The following SIAH3 variants were observed in gnomAD, a reference collection of about 807,000 sequenced individuals.
SIAH3 encodes the protein seven in absentia homolog 3.
A neutral mutation model predicts 12.6 loss-of-function variants in SIAH3; 9 were observed. That is an observed-to-expected ratio of 0.72 (90% confidence interval 0.43 to 1.25). SIAH3 has a LOEUF of 1.25. Among genes scored for constraint, SIAH3 ranks in the 50% most tolerant of loss-of-function variants. SIAH3 has a pLI of 0.00. For synonymous variants in SIAH3, 154 were observed against 151.1 expected, an observed-to-expected ratio of 1.02 and a Z score of -0.14; for missense variants, 390 against 365.4, an observed-to-expected ratio of 1.07 and a Z score of -0.55.
chr13:45,807,313 A>G (rs773843214), intron 1 of SIAH3, among the ~76,000 whole-genome samples: 1 of 152,084 alleles, frequency 6.6e-6, no homozygotes, highest in Non-Finnish European at 1.5e-5. Flanking sequence ...AAAAGTTTAT[A>G]TGAAAAAATA....
At chr13:45,796,506 G>A (rs1950563286) in intron 1 of SIAH3, among the ~76,000 whole-genome samples, 1 of 152,212 alleles carries the variant, frequency 6.6e-6, no homozygotes, top group Non-Finnish European at 1.5e-5. Context: ...GGGAGCATGA[G>A]CTCCCTGGCT....
intron 1 of SIAH3, among the ~76,000 whole-genome samples, chr13:45,793,232 T>G (rs1950551890): frequency 6.6e-6 from 1 of 152,206 alleles, no homozygotes; most frequent in African/African-American, 2.4e-5. Flanking sequence ...AAATGCAAAC[T>G]GCAGAAGCAG....
intron 1 of SIAH3, among the ~76,000 whole-genome samples, chr13:45,841,863 C>A (rs538044488): frequency 6.6e-6 from 1 of 152,288 alleles, no homozygotes; most frequent in Admixed American, 6.5e-5. Flanking sequence ...TTTTAATGCC[C>A]CGCTGTTGTC....
intron 1 of SIAH3, among the ~76,000 whole-genome samples, chr13:45,818,411 T>C (rs1053180132): frequency 3.3e-5 from 5 of 152,248 alleles, no homozygotes; most frequent in African/African-American, 7.2e-5. Context: ...TCATTGTTTT[T>C]CCCTATGGCT....
chr13:45,786,292 G>C (rs1418439790), intron 1 of SIAH3, among the ~76,000 whole-genome samples: 1 of 152,104 alleles, frequency 6.6e-6, no homozygotes, highest in Admixed American at 6.5e-5. Flanking sequence ...AAACCCAAAT[G>C]GTGTCCCTCT....
At chr13:45,828,683 C>G (rs141181147) in intron 1 of SIAH3, among the ~76,000 whole-genome samples, 1 of 152,326 alleles carries the variant, frequency 6.6e-6, no homozygotes, top group African/African-American at 2.4e-5. Context: ...GACCAAGCCT[C>G]TTTCAGGGGG....
chr13:45,845,674 T>C (rs564429623), intron 1 of SIAH3, among the ~76,000 whole-genome samples: 4 of 152,222 alleles, frequency 2.6e-5, no homozygotes, highest in African/African-American at 9.6e-5. Context: ...TTGTGTTTTG[T>C]ATGTTTCTCT....
At chr13:45,786,116 G>C (rs980374647) in intron 1 of SIAH3, among the ~76,000 whole-genome samples, 1 of 152,072 alleles carries the variant, frequency 6.6e-6, no homozygotes, top group African/African-American at 2.4e-5. Context: ...GATTTGGTCG[G>C]GGGGGTTTCT....
chr13:45,801,097 G>GT (rs1555257354), intron 1 of SIAH3, among the ~76,000 whole-genome samples: 5 of 123,656 alleles, frequency 4.0e-5, no homozygotes, highest in African/African-American at 1.2e-4. Context: ...ATGGGTGGCG[G>GT]GGGGGGGCAT....
intron 1 of SIAH3, 37 bp downstream of exon 1, chr13:45,851,458 C>G (rs777635314): frequency 1.2e-6 from 2 of 1,611,974 alleles, no homozygotes; most frequent in South Asian, 1.1e-5. Context: ...GGACTTGAAC[C>G]TGAGCCCGGT....
At chr13:45,826,485 A>G (rs1349040826) in intron 1 of SIAH3, among the ~76,000 whole-genome samples, 11 of 136,116 alleles carry the variant, frequency 8.1e-5, no homozygotes, top group East Asian at 2.3e-4. Context: ...GGATGGATGG[A>G]TGGATGGGTG....
chr13:45,814,238 CAA>C lies in SIAH3; in HGVS notation c.136-30183_136-30182del, dbSNP rs56377017. Among the ~76,000 whole-genome samples the C allele has an allele frequency of 9.5e-4, 69 of 72,694 alleles. 1 individual carries two copies. The East Asian group carries it at 0.011, about 11-fold the overall frequency. The allele number at this position is 72,694 out of a possible 152,430, so 47.7% of individuals were successfully genotyped here. On this transcript the variant is annotated intron_variant, in intron 1 of 1. Transcript: ENST00000400405. ...TGGGTGACTGAGCAAGACTCTGTCT[CAA>C]AAAAAAAAAAAAAAAAAAAAATACA...
At chr13:45,833,196 T>G (rs1051039876) in intron 1 of SIAH3, among the ~76,000 whole-genome samples, 2 of 152,228 alleles carry the variant, frequency 1.3e-5, no homozygotes, top group Admixed American at 6.5e-5. Flanking sequence ...AATAAATATA[T>G]GCTCATAGAA....
intron 1 of SIAH3, among the ~76,000 whole-genome samples, chr13:45,851,022 C>A (rs1319583340): frequency 3.1e-5 from 4 of 128,866 alleles, no homozygotes; most frequent in Non-Finnish European, 4.9e-5. Flanking sequence ...ACCCCACCGA[C>A]GTCCAAGTCC....
intron 1 of SIAH3, among the ~76,000 whole-genome samples, chr13:45,789,246 C>T (rs923769689): frequency 1.3e-5 from 2 of 152,226 alleles, no homozygotes; most frequent in African/African-American, 2.4e-5. Context: ...AGATTCAGCT[C>T]TTGCTACGTA....
chr13:45,840,475 A>G (rs574259877), intron 1 of SIAH3, among the ~76,000 whole-genome samples: 8 of 152,270 alleles, frequency 5.3e-5, no homozygotes, highest in African/African-American at 1.7e-4. Context: ...GTAGTTAAAA[A>G]ATATACACAT....
chr13:45,806,886 T>C lies in SIAH3; in HGVS notation c.136-22829A>G, dbSNP rs558305938. 2.3e-4 allele frequency among the ~76,000 whole-genome samples: 35 copies of C among 152,314 alleles called. No homozygotes were observed. In the South Asian group the frequency reaches 4.1e-3, roughly 18 times the overall value. On this transcript the variant is annotated intron_variant, in intron 1 of 1. Coordinates refer to ENST00000400405, the MANE Select transcript of SIAH3 (RefSeq NM_198849.3). ...AGAAACAAACCATGAATGTTCACTA[T>C]ATTACTGTTATTTAACATTCCACAG...
intron 1 of SIAH3, among the ~76,000 whole-genome samples, chr13:45,794,096 CT>C (rs11311084): frequency 0.38 from 55,215 of 146,374 alleles, 10,697 homozygotes; most frequent in African/African-American, 0.45. Context: ...CCTCCTGACA[CT>C]TTTTTTTTTT....
In SIAH3 at chr13:45,783,506, A is replaced by G. The variant is rs771903027; in HGVS notation, c.687T>C (p.Ile229=). ...RSVLECVDSV[I]TDGDCLVLNT... ...TGAGGACGAGGCAGTCCCCGTCCGT[A>G]ATCACCGAGTCCACGCACTCAAGAA... is the stretch of plus-strand genomic sequence containing the variant. Residue 229 remains isoleucine, a synonymous_variant, in exon 2 of 2, where the codon ATT becomes ATC. Transcript: ENST00000400405. 1 of 1,614,156 alleles carries G rather than the reference A, an allele frequency of 6.2e-7. No individual in the cohort carries two copies. Among genetic ancestry groups the G allele is most frequent in the African/African-American group, 1.3e-5 (1 of 75,046 alleles).
Sources: gnomAD v4.1 joint callset for allele counts (sites outside exome capture counted in the v4.1 genomes callset) on GRCh38, gnomAD v4.1.1 for gene constraint, MANE v1.5 for transcripts, NCBI Gene and HGNC (gene_info 2026-07-23, HGNC 2026-07-21) for gene names.